Variants in ZNF790 observed in about 807,000 individuals in gnomAD.
ZNF790 encodes the protein zinc finger protein 790.
Under a neutral mutation model 12.1 loss-of-function variants are expected in ZNF790, and 8 were observed. The observed-to-expected ratio is 0.66, with a 90% CI of 0.39 to 1.19. The LOEUF is 1.19. ZNF790 is among the 50% of genes most tolerant of loss of function. The probability of loss-of-function intolerance (pLI) is 0.01; values close to 1 mark genes in which losing one functional copy is unlikely to be tolerated. For synonymous variants in ZNF790, 252 were observed against 244.3 expected, an observed-to-expected ratio of 1.03 and a Z score of -0.29; for missense variants, 707 against 752.2, an observed-to-expected ratio of 0.94 and a Z score of 0.70.
At chr19:36,827,177 T>TATATATAC (rs1387560651) in intron 1 of ZNF790, among the ~76,000 whole-genome samples, 2 of 121,226 alleles carry the variant, frequency 1.6e-5, no homozygotes, top group African/African-American at 3.2e-5. Flanking sequence ...TATATATATA[T>TATATATAC]ACACTTACCA....
chr19:36,846,692 T>C (rs1452590505), intron 1 of ZNF790, among the ~76,000 whole-genome samples: 1 of 152,246 alleles, frequency 6.6e-6, no homozygotes, highest in Non-Finnish European at 1.5e-5. Flanking sequence ...GGAAGGTAAA[T>C]ACTTACATAG....
At position 36,825,645 on chromosome 19, in the gene ZNF790, CCTT is replaced by C. The variant is rs1281185281; in HGVS notation, c.-29_-27del. ...GACTTAACATTCCAAGTCCACCAGT[CCTT>C]CTCTGGATTCTTTCTTGGTGAGGCA... On this transcript the variant is annotated 5_prime_UTR_variant, in exon 2 of 5. Coordinates refer to ENST00000356725, the MANE Select transcript of ZNF790 (RefSeq NM_206894.4). 5 of 1,614,034 alleles carry C rather than the reference CCTT, an allele frequency of 3.1e-6. No homozygotes were observed. Among genetic ancestry groups the C allele is most frequent in the Admixed American group, 3.3e-5 (2 of 60,014 alleles).
chr19:36,837,604 C>A (rs2146083320), intron 1 of ZNF790: 1 of 152,220 alleles, frequency 6.6e-6, no homozygotes, highest in South Asian at 2.1e-4. Flanking sequence ...AGCGCGATTA[C>A]CCTTTTCTAT....
At chr19:36,833,848 TG>T (rs1283248606) in intron 1 of ZNF790, among the ~76,000 whole-genome samples, 1 of 152,130 alleles carries the variant, frequency 6.6e-6, no homozygotes, top group Non-Finnish European at 1.5e-5. Context: ...CTTCATACCT[TG>T]GGGATAAGCA....
chr19:36,819,638 TAA>T lies in ZNF790; in HGVS notation c.704_705del (p.Phe235Ter), dbSNP rs2071622346. The T allele has an allele frequency of 6.2e-7, 1 of 1,607,548 alleles. No homozygotes were observed. The highest frequency in any genetic ancestry group is 1.1e-5 in the South Asian group (1 of 90,624). ...TYECKECGKS[F>X]SLRSSLTGHK... ...TGACCAGTAAGACTCGAACGTAAAC[TAA>T]AAGACTTCCCACATTCTTTACATTC... On this transcript the variant is annotated frameshift_variant, in exon 5 of 5. Coordinates refer to ENST00000356725, the MANE Select transcript of ZNF790 (RefSeq NM_206894.4). LOFTEE classifies it low-confidence loss of function (END_TRUNC).
upstream of ZNF790, among the ~76,000 whole-genome samples, chr19:36,839,035 C>T (rs1051484807): frequency 1.3e-5 from 2 of 152,218 alleles, no homozygotes; most frequent in African/African-American, 4.8e-5. Context: ...TTCCTAATAC[C>T]TTATTCCCAT....
At chr19:36,841,687 G>A (rs1436630961), upstream of ZNF790, among the ~76,000 whole-genome samples, 1 of 151,700 alleles carries the variant, frequency 6.6e-6, no homozygotes, top group Admixed American at 6.6e-5. Context: ...TTCAAGACCA[G>A]CCTGTCCAAC....
chr19:36,833,236 G>A (rs2071977595), intron 1 of ZNF790, among the ~76,000 whole-genome samples: 1 of 152,126 alleles, frequency 6.6e-6, no homozygotes, highest in Non-Finnish European at 1.5e-5. Flanking sequence ...TCCGCCTCCC[G>A]GGTTCAAGTA....
chr19:36,837,783 C>G (rs2072076008), intron 1 of ZNF790: 1 of 152,130 alleles, frequency 6.6e-6, no homozygotes, highest in Non-Finnish European at 1.5e-5. Context: ...TGCTCCATTT[C>G]TCTGCTCTAA....
chr19:36,818,737 C>T lies in ZNF790; in HGVS notation c.1607G>A (p.Cys536Tyr). 1 of 1,612,752 alleles carries T rather than the reference C, an allele frequency of 6.2e-7. No individual in the cohort carries two copies. Among genetic ancestry groups the T allele is most frequent in the Non-Finnish European group, 8.5e-7 (1 of 1,179,554 alleles). ...RMHTGEEPYV[C>Y]KECGKSFIWG... Reference sequence around the variant, plus strand: ...GATAAAAGATTTCCCACATTCTTTACATACGTAAGGTTCCTCACCAGTATG... The same window carrying T: ...GATAAAAGATTTCCCACATTCTTTATATACGTAAGGTTCCTCACCAGTATG... Residue 536 changes from cysteine (C) to tyrosine (Y), a missense_variant, in exon 5 of 5, where the codon TGT becomes TAT. Coordinates refer to ENST00000356725, the MANE Select transcript of ZNF790 (RefSeq NM_206894.4).
At chr19:36,825,163 T>C (rs2071770463) in intron 2 of ZNF790, among the ~76,000 whole-genome samples, 1 of 152,232 alleles carries the variant, frequency 6.6e-6, no homozygotes, top group Non-Finnish European at 1.5e-5. Flanking sequence ...CCATCATATC[T>C]GCTAAGGAAA....
chr19:36,834,099 C>G (rs769500705), intron 1 of ZNF790, among the ~76,000 whole-genome samples: 3 of 151,760 alleles, frequency 2.0e-5, no homozygotes, highest in Non-Finnish European at 2.9e-5. Flanking sequence ...CAAAATTAGC[C>G]AGACATGGTG....
In ZNF790 at chr19:36,820,101, C is replaced by G. The variant is rs2071634708; in HGVS notation, c.243G>C (p.Arg81Ser). ...TRGPCPDMQS[R>S]CQTKKLLPKN... ...TTGGTAATAACTTCTTGGTCTGACA[C>G]CTCGACTGCATGTCTGAAAAATAAG... is the stretch of plus-strand genomic sequence containing the variant. Residue 81 changes from arginine to serine, a missense_variant, in exon 5 of 5, where the codon AGG becomes AGC. Coordinates refer to ENST00000356725, the MANE Select transcript of ZNF790 (RefSeq NM_206894.4). The G allele has an allele frequency of 1.2e-6, 2 of 1,601,674 alleles. No homozygotes were observed. Among genetic ancestry groups the G allele is most frequent in the Admixed American group, 1.7e-5 (1 of 59,740 alleles).
rs1023113667 is a variant in ZNF790, at chr19:36,818,139, C to T, written c.*294G>A. The T allele has an allele frequency of 1.5e-5, 3 of 195,364 alleles. No homozygotes were observed. Among genetic ancestry groups the T allele is most frequent in the Admixed American group, 5.4e-5 (1 of 18,580 alleles). The allele number at this position is 195,364 out of a possible 1,614,324, so 12.1% of individuals were successfully genotyped here. ...TGCTTGGCCAAATTATATATAAATTCTTTATGCAACATCTCTGATGAGAAT... is the reference window on the plus strand; with the variant it reads ...TGCTTGGCCAAATTATATATAAATTTTTTATGCAACATCTCTGATGAGAAT... On this transcript the variant is annotated 3_prime_UTR_variant, in exon 5 of 5. Coordinates refer to ENST00000356725, the MANE Select transcript of ZNF790 (RefSeq NM_206894.4).
intron 1 of ZNF790, among the ~76,000 whole-genome samples, chr19:36,843,790 C>A (rs910644383): frequency 6.6e-6 from 1 of 150,962 alleles, no homozygotes; most frequent in East Asian, 2.0e-4. Context: ...GGGTGGATCA[C>A]CTGAGGTTGG....
At chr19:36,827,141 C>CATATATATATATATATATATATATAT (rs369671729) in intron 1 of ZNF790, among the ~76,000 whole-genome samples, 2 of 84,444 alleles carry the variant, frequency 2.4e-5, no homozygotes, top group African/African-American at 1.1e-4. Context: ...CACACACACA[C>CATATATATATATATATATATATATAT]ATATATATAT....
At chr19:36,824,673 G>T (rs2071758833) in intron 2 of ZNF790, among the ~76,000 whole-genome samples, 1 of 152,172 alleles carries the variant, frequency 6.6e-6, no homozygotes, top group Admixed American at 6.5e-5. Flanking sequence ...TGGTAGCCCA[G>T]AACAGACATC....
At chr19:36,822,928 G>GGTT (rs1029483727) in intron 4 of ZNF790, among the ~76,000 whole-genome samples, 2 of 151,620 alleles carry the variant, frequency 1.3e-5, no homozygotes, top group Non-Finnish European at 2.9e-5. Context: ...TCGGCTCACT[G>GGTT]CAACCTCTGC....
intron 4 of ZNF790, among the ~76,000 whole-genome samples, chr19:36,822,913 C>T (rs1009574421): frequency 2.0e-5 from 3 of 151,444 alleles, no homozygotes; most frequent in African/African-American, 2.4e-5. Context: ...TGCAGTGGCA[C>T]GATCTCGGCT....
Sources: allele counts gnomAD v4.1 joint callset (sites outside exome capture counted in the v4.1 genomes callset), GRCh38; gene constraint gnomAD v4.1.1; transcripts MANE v1.5; gene names NCBI Gene and HGNC (gene_info 2026-07-23, HGNC 2026-07-21).